Variants in CHMP6 observed in about 807,000 individuals in gnomAD.
CHMP6 encodes the protein charged multivesicular body protein 6.
A neutral mutation model predicts 32.8 loss-of-function variants in CHMP6; 10 were observed. The ratio of observed to expected loss-of-function variants is 0.30; its 90% CI spans 0.19 to 0.52. The LOEUF (loss-of-function observed/expected upper bound fraction) is 0.52, where lower values mean the gene tolerates loss of function less well. CHMP6 is among the 20% of genes least tolerant of loss of function. The probability of loss-of-function intolerance (pLI) is 0.97; values close to 1 mark genes in which losing one functional copy is unlikely to be tolerated. For synonymous variants in CHMP6, 123 were observed against 105.8 expected, an observed-to-expected ratio of 1.16 and a Z score of -1.00; for missense variants, 269 against 263.8, an observed-to-expected ratio of 1.02 and a Z score of -0.14.
chr17:80,992,828 G>A (rs932841396), intron 1 of CHMP6, among the ~76,000 whole-genome samples: 1 of 152,236 alleles, frequency 6.6e-6, no homozygotes, highest in Non-Finnish European at 1.5e-5. Context: ...TGAAAGCAGG[G>A]CTAGCTTTTT....
intron 6 of CHMP6, 61 bp from the exon 7 acceptor site, chr17:80,998,305 G>C: frequency 6.3e-7 from 1 of 1,593,248 alleles, no homozygotes; most frequent in South Asian, 1.1e-5. Context: ...TCTCGGGGAG[G>C]CCCAGGCAGC....
intron 6 of CHMP6, 63 bp downstream of exon 6, chr17:80,997,404 CCCAGG>C: frequency 1.5e-6 from 1 of 661,722 alleles, no homozygotes; most frequent in Non-Finnish European, 2.3e-6. Context: ...AGCTCAGACC[CCCAGG>C]AGGCCCTGCC....
At chr17:80,993,824 G>A (rs1006116360) in intron 1 of CHMP6, among the ~76,000 whole-genome samples, 5 of 152,322 alleles carry the variant, frequency 3.3e-5, no homozygotes, top group African/African-American at 9.6e-5. Context: ...CGGCTGAAGC[G>A]CAAGGAGAGA....
intron 7 of CHMP6, 153 bp downstream of exon 7, chr17:80,998,573 T>C (rs1007143016): frequency 1.3e-6 from 2 of 1,507,056 alleles, no homozygotes; most frequent in Non-Finnish European, 8.9e-7. Flanking sequence ...GTGCCTGGCC[T>C]TGGGGTTGGG....
At position 80,991,891 on chromosome 17, in the gene CHMP6, G is replaced by A; in HGVS notation, c.-28G>A. The A allele has an allele frequency of 4.3e-6, 6 of 1,409,712 alleles. No homozygotes were observed. The highest frequency in any genetic ancestry group is 2.4e-5 in the Admixed American group (1 of 41,032). 87.3% of individuals were successfully genotyped at this position (1,409,712 alleles called of 1,614,324 possible). ...GGCGGCGGTGGCGATTGGACTTGGT[G>A]GGTCCCGGGCCAGGGGCGGGCGCCG... On this transcript the variant is annotated 5_prime_UTR_variant, in exon 1 of 8. Coordinates refer to ENST00000325167, the MANE Select transcript of CHMP6 (RefSeq NM_024591.5).
chr17:80,997,692 T>C (rs1447123796), intron 6 of CHMP6, among the ~76,000 whole-genome samples: 1 of 152,014 alleles, frequency 6.6e-6, no homozygotes, highest in Non-Finnish European at 1.5e-5. Context: ...GGCCGCGTCC[T>C]GGCCCCAGGC....
intron 1 of CHMP6, 42 bp from the exon 2 acceptor site, chr17:80,994,539 C>A: frequency 6.6e-7 from 1 of 1,504,958 alleles, no homozygotes; most frequent in South Asian, 1.2e-5. Flanking sequence ...CCAGGGCTCC[C>A]AGTGTGGGCT....
At position 80,999,222 on chromosome 17, in the gene CHMP6, G is replaced by C; in HGVS notation, c.*69G>C. 6.3e-7 allele frequency: 1 copy of C among 1,582,244 alleles called. No homozygotes were observed. The highest frequency in any genetic ancestry group is 8.7e-7 in the Non-Finnish European group (1 of 1,152,472). ...GTGGCCCACAGAGAGTTTGGGTCAC[G>C]GCCAGCCCCTGACCGGGTTCCCTGG... On this transcript the variant is annotated 3_prime_UTR_variant, in exon 8 of 8. Coordinates refer to ENST00000325167, the MANE Select transcript of CHMP6 (RefSeq NM_024591.5).
intron 1 of CHMP6, 98 bp downstream of exon 1, chr17:80,992,079 G>A: frequency 1.2e-6 from 1 of 836,830 alleles, no homozygotes; most frequent in South Asian, 5.4e-5. Flanking sequence ...TCGGCCCCCC[G>A]CGTTCGGATG....
chr17:80,993,348 G>T (rs1314801199), intron 1 of CHMP6, among the ~76,000 whole-genome samples: 1 of 152,168 alleles, frequency 6.6e-6, no homozygotes, highest in African/African-American at 2.4e-5. Context: ...TTTTACAGGG[G>T]GGCAGCCTGG....
intron 4 of CHMP6, among the ~76,000 whole-genome samples, chr17:80,996,706 T>A (rs2069640227): frequency 6.6e-6 from 1 of 152,200 alleles, no homozygotes; most frequent in Non-Finnish European, 1.5e-5. Context: ...AGTCGTGGCC[T>A]CTGAAAAGAC....
At chr17:80,998,599 G>A (rs1273541464) in intron 7 of CHMP6, 179 bp downstream of exon 7, 9 of 1,460,552 alleles carry the variant, frequency 6.2e-6, no homozygotes, top group Non-Finnish European at 7.2e-6. Context: ...GTTTCCCAGG[G>A]GTTCGGTAAC....
intron 3 of CHMP6, 98 bp from the exon 4 acceptor site, chr17:80,995,574 C>T: frequency 9.9e-7 from 1 of 1,012,982 alleles, no homozygotes; most frequent in South Asian, 1.4e-5. Flanking sequence ...CCCAGCAGCA[C>T]CCGCCCAGCA....
At chr17:80,995,377 G>A (rs2069628464) in intron 3 of CHMP6, among the ~76,000 whole-genome samples, 1 of 152,146 alleles carries the variant, frequency 6.6e-6, no homozygotes, top group Non-Finnish European at 1.5e-5. Context: ...TCAGGGGTCT[G>A]CATGGGGACT....
chr17:80,998,402 C>A lies in CHMP6; in HGVS notation c.532C>A (p.Leu178Ile). 6.2e-7 allele frequency: 1 copy of A among 1,614,226 alleles called. No individual in the cohort carries two copies. Among genetic ancestry groups the A allele is most frequent in the South Asian group, 1.1e-5 (1 of 91,090 alleles). ...GCTGCCAGAGGTTCCCTCCGAGCCC[C>A]TTCCTGAGAAGATCCCAGGTATTTC... ...IELPEVPSEP[L>I]PEKIPENVPV... is the part of the protein sequence containing the mutation. The change falls in exon 7 of 8, where the codon CTT becomes ATT. Residue 178 changes from leucine (L) to isoleucine (I), a missense_variant. Physicochemically the swap from Leu to Ile is conservative, Grantham distance 5 (BLOSUM62 2). Transcript: ENST00000325167.
chr17:80,997,063 G>T lies in CHMP6; in HGVS notation c.405G>T (p.Glu135Asp). The T allele has an allele frequency of 6.2e-7, 1 of 1,613,670 alleles. No homozygotes were observed. Among genetic ancestry groups the T allele is most frequent in the South Asian group, 1.1e-5 (1 of 91,046 alleles). ...TGGACGAGACGCAGGAGGCCGTGGA[G>T]TACCAGCGGGTAGGTGGCACCCTGA... ...RILDETQEAV[E>D]YQRQIDELLA... is the part of the protein sequence containing the mutation. Residue 135 changes from glutamate (E) to aspartate (D), a missense_variant, in exon 5 of 8, where the codon GAG (glutamate) becomes GAT (aspartate). Physicochemically the swap from Glu to Asp is conservative, Grantham distance 45 (BLOSUM62 2). Transcript: ENST00000325167.
In CHMP6 at chr17:80,999,206, A is replaced by T; in HGVS notation, c.*53A>T. 6.2e-7 allele frequency: 1 copy of T among 1,606,416 alleles called. No homozygotes were observed. Among genetic ancestry groups the T allele is most frequent in the East Asian group, 2.2e-5 (1 of 44,814 alleles). On this transcript the variant is annotated 3_prime_UTR_variant, in exon 8 of 8. Transcript: ENST00000325167. ...GGATGCCCCAGGGACTGTGGCCCACAGAGAGTTTGGGTCACGGCCAGCCCC... is the reference window on the plus strand; with the variant it reads ...GGATGCCCCAGGGACTGTGGCCCACTGAGAGTTTGGGTCACGGCCAGCCCC...
intron 4 of CHMP6, among the ~76,000 whole-genome samples, chr17:80,996,255 G>GT (rs2069636601): frequency 6.6e-6 from 1 of 151,890 alleles, no homozygotes; most frequent in Non-Finnish European, 1.5e-5. Context: ...GGAGGCAGAG[G>GT]TTGCAGTGAG....
intron 3 of CHMP6, 114 bp downstream of exon 3, chr17:80,995,220 C>T (rs1053446520): frequency 6.9e-6 from 7 of 1,009,534 alleles, no homozygotes; most frequent in African/African-American, 6.5e-5. Flanking sequence ...TCAGATGCCT[C>T]GGGCTGAAGC....
Sources: gnomAD v4.1 joint callset for allele counts (sites outside exome capture counted in the v4.1 genomes callset) on GRCh38, gnomAD v4.1.1 for gene constraint, MANE v1.5 for transcripts, NCBI Gene and HGNC (gene_info 2026-07-23, HGNC 2026-07-21) for gene names.